Variants in CCT3 observed in about 807,000 individuals in gnomAD.
The protein encoded by CCT3 is T-complex protein 1 subunit gamma.
Under a neutral mutation model 65.3 loss-of-function variants are expected in CCT3, and 10 were observed. The ratio of observed to expected loss-of-function variants is 0.15; its 90% CI spans 0.09 to 0.26. The LOEUF (loss-of-function observed/expected upper bound fraction) is 0.26. Among genes scored for constraint, CCT3 ranks in the 10% least tolerant of loss-of-function variants. The pLI is 1.00. For missense variants in CCT3, 626 were observed against 708.7 expected (o/e 0.88, Z 1.33); for synonymous variants, 225 against 242.3 (o/e 0.93, Z 0.66).
rs565809349 is a variant in CCT3, at chr1:156,324,818, G to A, written c.422+154C>T. 1.4e-3 allele frequency among the ~76,000 whole-genome samples: 219 copies of A among 152,160 alleles called. 2 individuals are homozygous for A. The highest frequency in any genetic ancestry group is 4.8e-3 in the African/African-American group (200 of 41,494). On this transcript the variant is annotated intron_variant, in intron 6 of 13. Coordinates refer to ENST00000295688, the MANE Select transcript of CCT3 (RefSeq NM_005998.5). The stretch of plus-strand genomic sequence containing the variant: ...AATTTTTTGTATTTTTAGTACAGAC[G>A]AGGTTTCACCATGTTGGCCAGGATG...
chr1:156,327,858 G>A (rs1664897021), intron 5 of CCT3, among the ~76,000 whole-genome samples: 1 of 150,514 alleles, frequency 6.6e-6, no homozygotes, highest in Non-Finnish European at 1.5e-5. Context: ...TCTCTGCCCG[G>A]CCGCCCATCG....
intron 10 of CCT3, among the ~76,000 whole-genome samples, chr1:156,316,534 G>C (rs1307723820): frequency 2.0e-5 from 3 of 152,208 alleles, no homozygotes; most frequent in Non-Finnish European, 4.4e-5. Context: ...TATTATGTTG[G>C]GGTAGATTTG....
At chr1:156,333,291 CAAAAAAA>C (rs35038881) in intron 5 of CCT3, 8 of 238,594 alleles carry the variant, frequency 3.4e-5, no homozygotes, top group African/African-American at 1.1e-4. Context: ...GACTCTGTCT[CAAAAAAA>C]AAAAAAAAAA....
chr1:156,322,501 A>C (rs76123576), intron 6 of CCT3, among the ~76,000 whole-genome samples: 92 of 152,168 alleles, frequency 6.0e-4, no homozygotes, highest in African/African-American at 1.5e-3. Context: ...CCGCCACCCC[A>C]AAAAAATTTT....
chr1:156,323,093 G>A (rs1249061730), intron 6 of CCT3, among the ~76,000 whole-genome samples: 1 of 151,826 alleles, frequency 6.6e-6, no homozygotes, highest in East Asian at 1.9e-4. Context: ...GATCACCTGA[G>A]GTTGAAAGTT....
At chr1:156,309,354 C>G in intron 13 of CCT3, 51 bp from the exon 14 acceptor site, 2 of 1,193,876 alleles carry the variant, frequency 1.7e-6, no homozygotes, top group Non-Finnish European at 2.5e-6. Context: ...GGAAAGGACA[C>G]TTTTCTTTCC....
chr1:156,333,917 G>A (rs1437837587), intron 4 of CCT3, among the ~76,000 whole-genome samples: 1 of 152,132 alleles, frequency 6.6e-6, no homozygotes, highest in African/African-American at 2.4e-5. Flanking sequence ...AAGCACTATT[G>A]TGGCTGAATT....
intron 1 of CCT3, 81 bp downstream of exon 1, chr1:156,338,073 G>A: frequency 6.8e-7 from 1 of 1,469,542 alleles, no homozygotes; most frequent in South Asian, 1.2e-5. Context: ...GTCAGTGGGG[G>A]ACGGAGCTGG....
intron 8 of CCT3, among the ~76,000 whole-genome samples, chr1:156,317,918 T>C (rs993917213): frequency 2.6e-5 from 4 of 152,000 alleles, no homozygotes; most frequent in South Asian, 2.1e-4. Flanking sequence ...TTCACCACGT[T>C]AGCCAGGATG....
chr1:156,317,589 C>T, intron 8 of CCT3, 42 bp from the exon 9 acceptor site: 1 of 1,582,624 alleles, frequency 6.3e-7, no homozygotes, highest in Non-Finnish European at 8.6e-7. Flanking sequence ...AATCCCTGGA[C>T]TGGTGAAGCT....
At chr1:156,311,819 AC>A (rs1385390070) in intron 11 of CCT3, among the ~76,000 whole-genome samples, 1 of 152,178 alleles carries the variant, frequency 6.6e-6, no homozygotes, top group Non-Finnish European at 1.5e-5. Flanking sequence ...ACATTACTGA[AC>A]TGTACAATTA....
In CCT3 at chr1:156,309,234, G is replaced by A. The variant is rs370087696; in HGVS notation, c.1603C>T (p.Arg535Trp). 1.6e-5 allele frequency: 26 copies of A among 1,613,814 alleles called. No individual in the cohort carries two copies. The highest frequency in any genetic ancestry group is 5.3e-5 in the African/African-American group (4 of 74,912). ...CCAGCATCAGGAGCCCCGCCTTGCC[G>A]GCTCTGGTCATCGCCTTTCTTTTTG... ...GHKKKGDDQS[R>W]QGGAPDAGQE The change falls in exon 14 of 14, where the codon CGG (arginine) becomes TGG (tryptophan). Residue 535 changes from arginine (R) to tryptophan (W), a missense_variant. By Grantham distance (101) the Arg-to-Trp change is moderately radical. Coordinates refer to ENST00000295688, the MANE Select transcript of CCT3 (RefSeq NM_005998.5).
At chr1:156,337,848 G>A in intron 1 of CCT3, 1 of 488,958 alleles carries the variant, frequency 2.0e-6, no homozygotes, top group East Asian at 3.3e-5. Flanking sequence ...AATCAGGCTA[G>A]AAAGGGCGCA....
Position 156,320,409 on chromosome 1 carries a change from C to CA in CCT3, c.609+429dup, listed in dbSNP as rs201201084. 7.2e-3 allele frequency among the ~76,000 whole-genome samples: 1,092 copies of CA among 152,044 alleles called. 14 individuals are homozygous for CA. Among genetic ancestry groups the CA allele is most frequent in the African/African-American group, 0.025 (1,054 of 41,486 alleles). ...TGCGCGACAGAGCAAGACTCCATCT[C>CA]AAAAAAACAAACAAACAAAAAACAT... On this transcript the variant is annotated intron_variant, in intron 7 of 13. Coordinates refer to ENST00000295688, the MANE Select transcript of CCT3 (RefSeq NM_005998.5).
intron 5 of CCT3, chr1:156,332,919 G>A (rs912815281): frequency 1.3e-5 from 2 of 154,360 alleles, no homozygotes; most frequent in African/African-American, 4.8e-5. Context: ...TTTATCAGTT[G>A]ATGAAAGTGT....
chr1:156,326,325 T>C (rs905982710), intron 5 of CCT3, among the ~76,000 whole-genome samples: 4 of 151,622 alleles, frequency 2.6e-5, no homozygotes, highest in Admixed American at 2.6e-4. Flanking sequence ...CAAGATTCTG[T>C]TTCAAAAAAA....
chr1:156,332,252 TCTG>T (rs1665133768), intron 5 of CCT3, among the ~76,000 whole-genome samples: 1 of 152,182 alleles, frequency 6.6e-6, no homozygotes, highest in African/African-American at 2.4e-5. Flanking sequence ...GACCTCGTGA[TCTG>T]CCCACCTTGG....
At chr1:156,333,160 G>T (rs1311667485) in intron 5 of CCT3, 1 of 237,516 alleles carries the variant, frequency 4.2e-6, no homozygotes, top group East Asian at 1.5e-4. Context: ...GGGCGTGGTG[G>T]CACGTGACTA....
chr1:156,338,240 GGA>G lies in CCT3; in HGVS notation c.-58_-57del, dbSNP rs139949895. The G allele has an allele frequency of 0.27, 418,903 of 1,539,806 alleles. 59,986 individuals are homozygous for G. The highest frequency in any genetic ancestry group is 0.29 in the Non-Finnish European group (324,914 of 1,132,936). On this transcript the variant is annotated 5_prime_UTR_variant, in exon 1 of 14. Transcript: ENST00000295688. ...GCTGGGGGAACCGGCAGAACCTTCTGGAGAGAGAGAACCAGACAGAAGCCCAG... is the reference window on the plus strand; with the variant it reads ...GCTGGGGGAACCGGCAGAACCTTCTGGAGAGAGAACCAGACAGAAGCCCAG...
Sources: gnomAD v4.1 joint callset for allele counts (sites outside exome capture counted in the v4.1 genomes callset) on GRCh38, gnomAD v4.1.1 for gene constraint, MANE v1.5 for transcripts, NCBI Gene and HGNC (gene_info 2026-07-23, HGNC 2026-07-21) for gene names.